The following PHYH variants were observed in gnomAD, a reference collection of about 807,000 sequenced individuals.
The protein encoded by PHYH is phytanoyl-CoA 2-hydroxylase.
A neutral mutation model predicts 38.5 loss-of-function variants in PHYH; 32 were observed. That is an observed-to-expected ratio of 0.83 (90% confidence interval 0.63 to 1.12). PHYH has a LOEUF of 1.12. Ranked by LOEUF, PHYH falls within the 50% of genes most tolerant of loss-of-function variation. PHYH has a pLI of 0.00. For synonymous variants in PHYH, 166 were observed against 157.9 expected (o/e 1.05, Z -0.38); for missense variants, 426 against 434.8 (o/e 0.98, Z 0.18).
Position 13,288,290 on chromosome 10 carries a change from A to G in PHYH, c.678+70T>C. On this transcript the variant is annotated intron_variant, in intron 6 of 8. Transcript: ENST00000263038. ...ATGCCATCTCATTTGTAAACTCTTT[A>G]GAGGTACTGATGTGAAACAGAAACT... is the stretch of plus-strand genomic sequence containing the variant. 2.3e-6 allele frequency: 3 copies of G among 1,315,654 alleles called. No homozygotes were observed. In the East Asian group the frequency reaches 6.9e-5, roughly 30 times the overall value. 81.5% of individuals were successfully genotyped at this position (1,315,654 alleles called of 1,614,324 possible).
At chr10:13,288,987 A>G (rs1183583555) in intron 5 of PHYH, among the ~76,000 whole-genome samples, 1 of 151,252 alleles carries the variant, frequency 6.6e-6, no homozygotes, top group South Asian at 2.1e-4. Flanking sequence ...TGAAAAAACA[A>G]TGACCTGTCC....
chr10:13,296,733 G>A (rs1832556925), intron 2 of PHYH, among the ~76,000 whole-genome samples: 1 of 142,812 alleles, frequency 7.0e-6, no homozygotes, highest in Non-Finnish European at 1.5e-5. Context: ...GCTGAGGTGG[G>A]CGGATCACGA....
intron 8 of PHYH, among the ~76,000 whole-genome samples, chr10:13,280,461 C>T (rs1022450956): frequency 2.6e-5 from 4 of 152,140 alleles, no homozygotes; most frequent in South Asian, 2.1e-4. Flanking sequence ...ACTCAGCCTT[C>T]GAGTAGCTGG....
chr10:13,280,751 C>G (rs937138672), intron 8 of PHYH, among the ~76,000 whole-genome samples: 10 of 152,250 alleles, frequency 6.6e-5, no homozygotes, highest in Non-Finnish European at 1.3e-4. Flanking sequence ...TCTGGACAGC[C>G]CCAAGACATA....
chr10:13,285,802 C>T (rs1286135946), intron 6 of PHYH, among the ~76,000 whole-genome samples: 5 of 151,930 alleles, frequency 3.3e-5, no homozygotes, highest in Non-Finnish European at 2.9e-5. Context: ...CAGGGTTGCT[C>T]CATGTTGGTC....
chr10:13,298,996 C>T (rs1333522155), intron 1 of PHYH, among the ~76,000 whole-genome samples: 1 of 149,640 alleles, frequency 6.7e-6, no homozygotes, highest in Non-Finnish European at 1.5e-5. Flanking sequence ...ATAAATTCGC[C>T]TGGCATCGTG....
Position 13,292,949 on chromosome 10 carries a change from A to G in PHYH, c.415-1037T>C, listed in dbSNP as rs538803768. Among the ~76,000 whole-genome samples, 216 of 148,426 alleles carry G rather than the reference A, an allele frequency of 1.5e-3. 1 individual carries two copies. The highest frequency in any genetic ancestry group is 5.4e-3 in the East Asian group (27 of 4,980). The stretch of plus-strand genomic sequence containing the variant: ...ACTCTGTCTCAAAAAAAAAAAAAAA[A>G]AAGAAGAAGAAGAAGAAAATAAAAC... On this transcript the variant is annotated intron_variant, in intron 4 of 8. Transcript: ENST00000263038.
chr10:13,287,652 G>A (rs1237026124), intron 6 of PHYH, among the ~76,000 whole-genome samples: 1 of 152,126 alleles, frequency 6.6e-6, no homozygotes, highest in Non-Finnish European at 1.5e-5. Context: ...ACACTGTCCT[G>A]CAAGGCTCAG....
intron 5 of PHYH, among the ~76,000 whole-genome samples, chr10:13,289,086 CA>C (rs1348261795): frequency 6.6e-6 from 1 of 152,164 alleles, no homozygotes; most frequent in Non-Finnish European, 1.5e-5. Context: ...ACTGGCTCCA[CA>C]TCTTCAAATC....
intron 2 of PHYH, among the ~76,000 whole-genome samples, chr10:13,297,158 T>G (rs1201662815): frequency 6.6e-6 from 1 of 152,156 alleles, no homozygotes; most frequent in Non-Finnish European, 1.5e-5. Flanking sequence ...ATTCCTTCTA[T>G]TTCTCTGATG....
chr10:13,288,660 A>G (rs944733183), intron 5 of PHYH, 119 bp from the exon 6 acceptor site: 18 of 973,696 alleles, frequency 1.8e-5, no homozygotes, highest in Non-Finnish European at 2.7e-5. Context: ...AGGCAGATGG[A>G]TGGCTTGAGC....
rs1588504391 is a variant in PHYH at position 13,278,203 on chromosome 10, G to A, written c.*98C>T. 2 of 821,746 alleles carry A rather than the reference G, an allele frequency of 2.4e-6. No homozygotes were observed. Among genetic ancestry groups the A allele is most frequent in the African/African-American group, 1.7e-5 (1 of 59,416 alleles). 50.9% of individuals were successfully genotyped at this position (821,746 alleles called of 1,614,324 possible). ...TACATGTTTTCTGCTTTTAACAAGT[G>A]ATAGAAAAGGTTACATCATCTCATT... is the stretch of plus-strand genomic sequence containing the variant. On this transcript the variant is annotated 3_prime_UTR_variant, in exon 9 of 9. Coordinates refer to ENST00000263038, the MANE Select transcript of PHYH (RefSeq NM_006214.4).
In PHYH at chr10:13,278,151, AC is replaced by A; in HGVS notation, c.*149del. On this transcript the variant is annotated 3_prime_UTR_variant, in exon 9 of 9. Transcript: ENST00000263038. ...TAAAGCAACACCATTGTGCTGCAAA[AC>A]TAACTCTATGCAATTAAGTACCTGA... 1.5e-6 allele frequency: 1 copy of A among 687,746 alleles called. No individual in the cohort carries two copies. The highest frequency in any genetic ancestry group is 1.6e-5 in the South Asian group (1 of 64,510). The allele number at this position is 687,746 out of a possible 1,614,324, so 42.6% of individuals were successfully genotyped here.
chr10:13,296,748 A>G (rs1564429405), intron 2 of PHYH, among the ~76,000 whole-genome samples: 1 of 87,206 alleles, frequency 1.1e-5, no homozygotes, highest in Non-Finnish European at 2.5e-5. Context: ...TCACGAGGTC[A>G]GATCGGGACC....
At chr10:13,283,606 A>C in intron 7 of PHYH, 84 bp downstream of exon 7, 1 of 1,376,720 alleles carries the variant, frequency 7.3e-7, no homozygotes, top group Non-Finnish European at 1.0e-6. Flanking sequence ...AATTTTATTC[A>C]ATTAATTTGA....
At chr10:13,299,500 G>GCCTGCCTGGCCAGCT in intron 1 of PHYH, 1 of 1,003,576 alleles carries the variant, frequency 1.0e-6, no homozygotes, top group Non-Finnish European at 1.2e-6. Context: ...CCTGGGCAGC[G>GCCTGCCTGGCCAGCT]CCTGCCTGGC....
chr10:13,281,904 C>T (rs1047145947), intron 7 of PHYH, among the ~76,000 whole-genome samples: 2 of 152,186 alleles, frequency 1.3e-5, no homozygotes, highest in Non-Finnish European at 2.9e-5. Context: ...AACACGCACC[C>T]CTATATCTGT....
intron 7 of PHYH, 56 bp from the exon 8 acceptor site, chr10:13,281,166 C>T: frequency 1.3e-6 from 2 of 1,560,788 alleles, no homozygotes; most frequent in East Asian, 4.5e-5. Flanking sequence ...ATACCAGTGA[C>T]CAAGCAGGGA....
At chr10:13,286,594 G>A (rs1018195571) in intron 6 of PHYH, among the ~76,000 whole-genome samples, 1 of 151,708 alleles carries the variant, frequency 6.6e-6, no homozygotes, top group East Asian at 1.9e-4. Context: ...CCAGCTACTC[G>A]GGAGGCTGAG....
Sources: allele counts gnomAD v4.1 joint callset (sites outside exome capture counted in the v4.1 genomes callset), GRCh38; gene constraint gnomAD v4.1.1; transcripts MANE v1.5; gene names NCBI Gene and HGNC (gene_info 2026-07-23, HGNC 2026-07-21).